The following TBXAS1 variants were observed in gnomAD, a reference collection of about 807,000 sequenced individuals.
TBXAS1 encodes the protein thromboxane-A synthase.
TBXAS1 carries 48 observed loss-of-function variants against 60.7 expected under a neutral mutation model. The ratio of observed to expected loss-of-function variants is 0.79; its 90% CI spans 0.63 to 1.01. The LOEUF (loss-of-function observed/expected upper bound fraction) is 1.01. TBXAS1 is among the 50% of genes least tolerant of loss of function. TBXAS1 has a pLI of 0.00. For synonymous variants in TBXAS1, 287 were observed against 269.7 expected, an observed-to-expected ratio of 1.06 and a Z score of -0.63; for missense variants, 685 against 686.3, an observed-to-expected ratio of 1.00 and a Z score of 0.02.
At chr7:139,821,921 G>A (rs1383476191) in intron 4 of TBXAS1, among the ~76,000 whole-genome samples, 7 of 152,168 alleles carry the variant, frequency 4.6e-5, no homozygotes, top group South Asian at 2.1e-4. Flanking sequence ...GCTGTACGTC[G>A]TTTCCTGCTT....
intron 9 of TBXAS1, among the ~76,000 whole-genome samples, chr7:139,979,755 AATAATAAT>A (rs202123538): frequency 0.011 from 1,695 of 148,298 alleles, 17 homozygotes; most frequent in Middle Eastern, 0.029. Flanking sequence ...TAATAATAAT[AATAATAAT>A]AATAAATAAA....
intron 3 of TBXAS1, among the ~76,000 whole-genome samples, chr7:139,898,200 G>A (rs1236119115): frequency 6.6e-6 from 1 of 152,138 alleles, no homozygotes; most frequent in African/African-American, 2.4e-5. Flanking sequence ...TTTCCTCACT[G>A]AGCCTCCTGC....
intron 5 of TBXAS1, among the ~76,000 whole-genome samples, chr7:139,941,251 T>G (rs1427271757): frequency 2.0e-5 from 3 of 152,244 alleles, no homozygotes; most frequent in African/African-American, 7.2e-5. Context: ...CTTTCTCCTT[T>G]AGAACCTTGG....
chr7:139,815,869 C>T (rs1057069224), intron 4 of TBXAS1, among the ~76,000 whole-genome samples: 2 of 152,304 alleles, frequency 1.3e-5, no homozygotes, highest in Non-Finnish European at 1.5e-5. Context: ...AAACAGTTCA[C>T]ATCAATCCTC....
intron 6 of TBXAS1, among the ~76,000 whole-genome samples, chr7:139,954,929 G>C (rs925703836): frequency 1.3e-5 from 2 of 152,216 alleles, no homozygotes; most frequent in Non-Finnish European, 2.9e-5. Context: ...TAAGAAAACT[G>C]TAAAATCATT....
intron 1 of TBXAS1, among the ~76,000 whole-genome samples, chr7:139,849,364 T>C (rs574977994): frequency 2.3e-4 from 35 of 150,706 alleles, no homozygotes; most frequent in African/African-American, 7.1e-4. Flanking sequence ...GCAAAGACCC[T>C]GTTCCCCCAA....
rs115235448 is a variant in TBXAS1 at position 139,892,165 on chromosome 7, C to T, written c.236+16528C>T. Among the ~76,000 whole-genome samples, 1,186 of 152,292 alleles carry T rather than the reference C, an allele frequency of 7.8e-3. 19 individuals are homozygous for T. Among genetic ancestry groups the T allele is most frequent in the African/African-American group, 0.028 (1,151 of 41,552 alleles). On this transcript the variant is annotated intron_variant, in intron 3 of 12. Coordinates refer to ENST00000448866, the MANE Select transcript of TBXAS1 (RefSeq NM_001061.7). The stretch of plus-strand genomic sequence containing the variant: ...CCGAAGAGCTGATACCTCCCATAAC[C>T]TCATTCTTAGGGTCAGCTGGCCGTA...
chr7:139,960,209 A>G (rs574072991), intron 8 of TBXAS1, among the ~76,000 whole-genome samples: 1 of 152,182 alleles, frequency 6.6e-6, no homozygotes, highest in African/African-American at 2.4e-5. Context: ...GGCACCTTCC[A>G]AAGTCACAAG....
intron 3 of TBXAS1, among the ~76,000 whole-genome samples, chr7:139,881,295 T>C (rs987901983): frequency 1.3e-5 from 2 of 152,232 alleles, no homozygotes; most frequent in Non-Finnish European, 2.9e-5. Context: ...ATTTTAACAG[T>C]GTCTACATTT....
At chr7:139,914,814 C>A in intron 4 of TBXAS1, among the ~76,000 whole-genome samples, 1 of 152,178 alleles carries the variant, frequency 6.6e-6, no homozygotes. Context: ...TTCACTCTAG[C>A]TTGATTATTA....
At chr7:139,802,932 C>T (rs1053201931) in intron 4 of TBXAS1, among the ~76,000 whole-genome samples, 3 of 152,222 alleles carry the variant, frequency 2.0e-5, no homozygotes, top group Non-Finnish European at 4.4e-5. Flanking sequence ...GCCTCCCCAG[C>T]CATGTGGAAC....
chr7:139,993,918 A>T (rs1178410280), intron 9 of TBXAS1, among the ~76,000 whole-genome samples: 2 of 126,872 alleles, frequency 1.6e-5, no homozygotes. Flanking sequence ...TTTTTGAGAC[A>T]CAGTCTCACT....
At chr7:139,882,789 GTGC>G (rs1802794330) in intron 3 of TBXAS1, among the ~76,000 whole-genome samples, 1 of 152,180 alleles carries the variant, frequency 6.6e-6, no homozygotes, top group African/African-American at 2.4e-5. Context: ...AAGCAAAGCT[GTGC>G]ATTGCCGTTC....
intron 4 of TBXAS1, among the ~76,000 whole-genome samples, chr7:139,920,981 T>G (rs1806423588): frequency 6.6e-6 from 1 of 152,232 alleles, no homozygotes; most frequent in African/African-American, 2.4e-5. Context: ...CAACCAAATT[T>G]TAAACCTAAA....
chr7:139,820,268 A>G (rs1211635739), intron 4 of TBXAS1, among the ~76,000 whole-genome samples: 1 of 152,116 alleles, frequency 6.6e-6, no homozygotes, highest in Admixed American at 6.5e-5. Context: ...GAGGGGCGGG[A>G]GAGATTTGAC....
chr7:139,895,545 C>T (rs995633041), intron 3 of TBXAS1, among the ~76,000 whole-genome samples: 1 of 152,192 alleles, frequency 6.6e-6, no homozygotes, highest in African/African-American at 2.4e-5. Flanking sequence ...AGGGGGTGAC[C>T]CCAGTGACAT....
intron 10 of TBXAS1, among the ~76,000 whole-genome samples, chr7:140,015,507 G>A (rs974967132): frequency 2.0e-4 from 30 of 152,176 alleles, no homozygotes; most frequent in Admixed American, 1.3e-3. Context: ...TAGCCTCGGG[G>A]CTGCAGGCTC....
chr7:139,805,712 T>TTCTCTC lies in TBXAS1; in HGVS notation c.-80+18300_-80+18305dup, dbSNP rs1554466260. 2.9e-3 allele frequency among the ~76,000 whole-genome samples: 127 copies of TTCTCTC among 44,334 alleles called. 1 individual carries two copies. Among genetic ancestry groups the TTCTCTC allele is most frequent in the African/African-American group, 7.6e-3 (94 of 12,366 alleles). The allele number at this position is 44,334 out of a possible 152,430, so 29.1% of individuals were successfully genotyped here. On this transcript the variant is annotated intron_variant, in intron 4 of 16. Coordinates refer to the TBXAS1 transcript ENST00000336425. The stretch of plus-strand genomic sequence containing the variant: ...TTTCTTTCTTTCTTTCTTTCTTTCT[T>TTCTCTC]TCTCTCTCTCTCTCTCTCTTTCTTT...
intron 9 of TBXAS1, among the ~76,000 whole-genome samples, chr7:140,003,536 G>A (rs1248092035): frequency 6.6e-6 from 1 of 152,176 alleles, no homozygotes; most frequent in African/African-American, 2.4e-5. Context: ...AAGCCTAGAA[G>A]CACAGTTAAA....
Sources: gnomAD v4.1 joint callset for allele counts (sites outside exome capture counted in the v4.1 genomes callset) on GRCh38, gnomAD v4.1.1 for gene constraint, MANE v1.5 for transcripts, NCBI Gene and HGNC (gene_info 2026-07-23, HGNC 2026-07-21) for gene names.